TRMT44: variants seen among roughly 807,000 people sequenced by gnomAD.
TRMT44 encodes tRNA methyltransferase 44 homolog.
In TRMT44, 78 loss-of-function variants were observed where a neutral mutation model predicts 77.3. That is an observed-to-expected ratio of 1.01 (90% CI 0.84 to 1.22). The LOEUF (loss-of-function observed/expected upper bound fraction) is 1.22, where lower values mean the gene tolerates loss of function less well. TRMT44 is among the 50% of genes most tolerant of loss of function. The pLI is 0.00. For missense variants in TRMT44, 1,090 were observed against 964.4 expected, an observed-to-expected ratio of 1.13 and a Z score of -1.73; for synonymous variants, 391 against 383.3, an observed-to-expected ratio of 1.02 and a Z score of -0.23.
chr4:8,494,897 T>C (rs1423034627), downstream of TRMT44, among the ~76,000 whole-genome samples: 1 of 152,154 alleles, frequency 6.6e-6, no homozygotes, highest in African/African-American at 2.4e-5. Flanking sequence ...TCCCCGTGGC[T>C]TGGTGATTGT....
At chr4:8,511,084 G>A in the TRMT44 span, 4 of 152,384 alleles carry the variant, frequency 2.6e-5, no homozygotes, top group East Asian at 7.7e-4. Context: ...TGGCCCCGTG[G>A]GAGACTGGTT....
chr4:8,504,354 C>T, the TRMT44 span, among the ~76,000 whole-genome samples: 17,077 of 152,164 alleles, frequency 0.11, 1,113 homozygotes, highest in South Asian at 0.2. The surrounding 1 kb of genome is among the most constrained non-coding windows in gnomAD (Gnocchi z 5.3). Context: ...GCCAGGTACC[C>T]GCGCCAGCTT....
Position 8,490,565 on chromosome 4 carries a change from G to A in TRMT44, n.3892-2701G>A, listed in dbSNP as rs374038359. 9.4e-4 allele frequency among the ~76,000 whole-genome samples: 141 copies of A among 149,876 alleles called. 1 individual carries two copies. Among genetic ancestry groups the A allele is most frequent in the African/African-American group, 3.2e-3 (132 of 40,618 alleles). ...CGGTGAGTGTTACAGTTCTTAAGGC[G>A]GCGCGTCTGGAGTTGTTCATTCCTC... is the stretch of plus-strand genomic sequence containing the variant. On this transcript the variant is annotated intron_variant and non_coding_transcript_variant, in intron 2 of 2. Transcript: ENST00000511366.
At chr4:8,443,889 A>G (rs1227022768) in intron 1 of TRMT44, among the ~76,000 whole-genome samples, 6 of 151,678 alleles carry the variant, frequency 4.0e-5, no homozygotes, top group African/African-American at 1.5e-4. Context: ...GAACCCGGTG[A>G]GTGGAGGTTG....
downstream of TRMT44, among the ~76,000 whole-genome samples, chr4:8,480,756 G>A (rs567370966): frequency 6.6e-6 from 1 of 152,224 alleles, no homozygotes; most frequent in East Asian, 1.9e-4. Flanking sequence ...CTATCTAAGG[G>A]GTCTGGGGAG....
chr4:8,498,941 A>T, the TRMT44 span, among the ~76,000 whole-genome samples: 1 of 151,882 alleles, frequency 6.6e-6, no homozygotes, highest in Admixed American at 6.6e-5. The surrounding 1 kb of genome is among the most constrained non-coding windows in gnomAD (Gnocchi z 4.3). Context: ...CAGAGGAGGT[A>T]CCCTTGAGCT....
Position 8,446,682 on chromosome 4 carries a change from TC to T in TRMT44, c.734+94del, listed in dbSNP as rs1725082717. 1.2e-6 allele frequency: 1 copy of T among 826,186 alleles called. No homozygotes were observed. Among genetic ancestry groups the T allele is most frequent in the Non-Finnish European group, 1.9e-6 (1 of 530,822 alleles). 51.2% of individuals were successfully genotyped at this position (826,186 alleles called of 1,614,324 possible). A position where few individuals can be genotyped will look rare whatever the true frequency, so the allele number is the denominator to read the frequency against. On this transcript the variant is annotated intron_variant, in intron 2 of 10. Coordinates refer to ENST00000389737, the MANE Select transcript of TRMT44 (RefSeq NM_152544.3). The surrounding 1 kb of genome is among the most constrained non-coding windows in gnomAD (Gnocchi z 4.3). The stretch of plus-strand genomic sequence containing the variant: ...GATTCTGGGTTGCCAGGGCTTAAGG[TC>T]CTGTCTCTGAGGTGGTTATGGTTTG...
chr4:8,476,690 A>G (rs1365622271), downstream of TRMT44: 1 of 152,358 alleles, frequency 6.6e-6, no homozygotes, highest in African/African-American at 2.4e-5. Flanking sequence ...TCTCCCCAGA[A>G]ATACTGCAGC....
intron 2 of TRMT44, among the ~76,000 whole-genome samples, chr4:8,485,416 A>G (rs1357476455): frequency 6.6e-6 from 1 of 152,232 alleles, no homozygotes; most frequent in African/African-American, 2.4e-5. Flanking sequence ...TGGACAGGTA[A>G]AATGGGGGAA....
rs201158470 is a variant in TRMT44 at position 8,467,889 on chromosome 4, C to T, written c.1495-25C>T. 1,420 of 1,568,368 alleles carry T rather than the reference C, an allele frequency of 9.1e-4. 4 individuals carry two copies. The highest frequency in any genetic ancestry group is 1.3e-3 in the South Asian group (115 of 85,904). The stretch of plus-strand genomic sequence containing the variant: ...TGAAATAGACTAGCCAGCTAAAATA[C>T]TTGCTTTGCTTTCTTCAAACGCAGG... On this transcript the variant is annotated intron_variant, in intron 8 of 10. Coordinates refer to ENST00000389737, the MANE Select transcript of TRMT44 (RefSeq NM_152544.3).
chr4:8,498,106 A>G (rs533452793), downstream of TRMT44, among the ~76,000 whole-genome samples: 10 of 152,298 alleles, frequency 6.6e-5, no homozygotes, highest in African/African-American at 2.4e-4. This position sits in a 1 kb window ranked among gnomAD's most constrained non-coding sequence, Gnocchi z 4.3. Flanking sequence ...CAGGTTTTAG[A>G]GATCCTCCCT....
chr4:8,495,453 C>T (rs1728124335), downstream of TRMT44, among the ~76,000 whole-genome samples: 1 of 152,162 alleles, frequency 6.6e-6, no homozygotes, highest in Non-Finnish European at 1.5e-5. Context: ...TTGTTTTTCA[C>T]CCTCCAGTCA....
chr4:8,516,467 A>G, the TRMT44 span, among the ~76,000 whole-genome samples: 20 of 151,770 alleles, frequency 1.3e-4, no homozygotes, highest in Admixed American at 1.3e-3. Flanking sequence ...CTCACCCTTC[A>G]CCATTCCCTG....
intron 2 of TRMT44, among the ~76,000 whole-genome samples, chr4:8,490,439 C>T (rs892585494): frequency 1.3e-5 from 2 of 151,176 alleles, no homozygotes; most frequent in Admixed American, 6.6e-5. Flanking sequence ...AGACCTTCGC[C>T]GTGAGTGTTA....
chr4:8,482,914 G>T (rs1232646108), intron 2 of TRMT44, among the ~76,000 whole-genome samples: 1 of 148,030 alleles, frequency 6.8e-6, no homozygotes, highest in South Asian at 2.2e-4. Context: ...ATTTTGGGGG[G>T]GGTGGTATGG....
In TRMT44 at chr4:8,461,571, C is replaced by T. The variant is rs1052094380; in HGVS notation, c.1204-2414C>T. On this transcript the variant is annotated intron_variant, in intron 6 of 10. Coordinates refer to ENST00000389737, the MANE Select transcript of TRMT44 (RefSeq NM_152544.3). This position sits in a 1 kb window ranked among gnomAD's most constrained non-coding sequence, Gnocchi z 4.6. ...GCTCTAGTTCTTTAGCTGAGGTTTCCCAGCAGCCTGCATCAGACTTTTCTG... is the reference window on the plus strand; with the variant it reads ...GCTCTAGTTCTTTAGCTGAGGTTTCTCAGCAGCCTGCATCAGACTTTTCTG... Among the ~76,000 whole-genome samples, 2 of 152,098 alleles carry T rather than the reference C, an allele frequency of 1.3e-5. No homozygotes were observed. Among genetic ancestry groups the T allele is most frequent in the African/African-American group, 2.4e-5 (1 of 41,408 alleles).
the TRMT44 span, among the ~76,000 whole-genome samples, chr4:8,500,644 G>A: frequency 6.6e-6 from 1 of 151,576 alleles, no homozygotes; most frequent in African/African-American, 2.4e-5. Flanking sequence ...ACAAGTGTCT[G>A]GCAGGCACTG....
chr4:8,443,330 T>A (rs1724868922), intron 1 of TRMT44, among the ~76,000 whole-genome samples: 1 of 152,192 alleles, frequency 6.6e-6, no homozygotes, highest in Admixed American at 6.5e-5. Flanking sequence ...TTTCCTTTCT[T>A]CCTCTCAGGG....
Position 8,440,942 on chromosome 4 carries a change from C to T in TRMT44, c.120C>T (p.Gly40=). 1.3e-6 allele frequency: 2 copies of T among 1,529,564 alleles called. No individual in the cohort carries two copies. The highest frequency in any genetic ancestry group is 1.4e-5 in the African/African-American group (1 of 72,404). The allele number at this position is 1,529,564 out of a possible 1,614,324, so 94.7% of individuals were successfully genotyped here. ...AGGTGGCAAACAAACGGCTTTGCGGCGCCCGCCTGGAGGCCCGCTGGAGCG... is the reference window on the plus strand; with the variant it reads ...AGGTGGCAAACAAACGGCTTTGCGGTGCCCGCCTGGAGGCCCGCTGGAGCG... ...RPQVANKRLC[G]ARLEARWSAA... Residue 40 remains glycine, a synonymous_variant, in exon 1 of 11, where the codon GGC becomes GGT. Transcript: ENST00000389737.
Sources: gnomAD v4.1 joint callset for allele counts (sites outside exome capture counted in the v4.1 genomes callset) on GRCh38, gnomAD v4.1.1 for gene constraint, Gnocchi (gnomAD v3.1) non-coding constraint, MANE v1.5 for transcripts, NCBI Gene and HGNC (gene_info 2026-07-23, HGNC 2026-07-21) for gene names.